Variants in CARMIL1 observed in about 807,000 individuals in gnomAD.
CARMIL1 encodes the protein capping protein regulator and myosin 1 linker 1.
CARMIL1 carries 90 observed loss-of-function variants against 177.1 expected under a neutral mutation model. The observed-to-expected ratio is 0.51, with a 90% CI of 0.43 to 0.61. CARMIL1 has a LOEUF of 0.61. Ranked by LOEUF, CARMIL1 falls within the 20% of genes least tolerant of loss-of-function variation. The pLI is 0.00. For synonymous variants in CARMIL1, 577 were observed against 606.2 expected (o/e 0.95, Z 0.71); for missense variants, 1,380 against 1,667.0 (o/e 0.83, Z 3.00).
chr6:25,325,241 T>G (rs1784976914), intron 2 of CARMIL1, among the ~76,000 whole-genome samples: 2 of 152,206 alleles, frequency 1.3e-5, no homozygotes, highest in African/African-American at 4.8e-5. Flanking sequence ...GAGAATTCAT[T>G]GAAACTTGAA....
intron 3 of CARMIL1, among the ~76,000 whole-genome samples, chr6:25,424,303 G>T (rs1235672380): frequency 6.6e-6 from 1 of 152,116 alleles, no homozygotes; most frequent in Non-Finnish European, 1.5e-5. Flanking sequence ...TCAGGGCCTA[G>T]ATGAAATGTC....
At chr6:25,488,873 T>A (rs116395592) in intron 13 of CARMIL1, among the ~76,000 whole-genome samples, 346 of 152,280 alleles carry the variant, frequency 2.3e-3, no homozygotes, top group African/African-American at 7.6e-3. Context: ...TTTAAAAACA[T>A]TAGCTTACAG....
chr6:25,547,085 T>C (rs1809568277), intron 26 of CARMIL1, among the ~76,000 whole-genome samples: 1 of 151,892 alleles, frequency 6.6e-6, no homozygotes, highest in East Asian at 1.9e-4. Flanking sequence ...AATAAAATAG[T>C]AACCGAAAAA....
intron 13 of CARMIL1, among the ~76,000 whole-genome samples, chr6:25,490,121 C>G (rs1198281199): frequency 1.3e-5 from 2 of 152,046 alleles, no homozygotes; most frequent in African/African-American, 4.8e-5. Context: ...GCGGGGAAGG[C>G]AAAAGTTCCA....
chr6:25,301,707 T>C (rs764837660), intron 2 of CARMIL1, among the ~76,000 whole-genome samples: 20 of 152,358 alleles, frequency 1.3e-4, no homozygotes, highest in South Asian at 1.0e-3. Flanking sequence ...GGGTAGCCTC[T>C]GCCTCTTTAT....
intron 2 of CARMIL1, among the ~76,000 whole-genome samples, chr6:25,396,271 C>T (rs113241669): frequency 2.3e-4 from 35 of 152,018 alleles, no homozygotes; most frequent in African/African-American, 7.2e-4. Context: ...AAATTTCTCA[C>T]TGGGTCACAG....
intron 33 of CARMIL1, among the ~76,000 whole-genome samples, chr6:25,601,859 A>G (rs1020945511): frequency 2.6e-5 from 4 of 152,332 alleles, no homozygotes; most frequent in Middle Eastern, 3.4e-3. Context: ...TCTGTGTGAT[A>G]AGATGAACAT....
chr6:25,528,713 C>T (rs774203401), intron 23 of CARMIL1, 82 bp from the exon 24 acceptor site: 29 of 1,032,384 alleles, frequency 2.8e-5, no homozygotes, highest in Middle Eastern at 2.8e-4. Context: ...TTTTTAAGTT[C>T]GGCAACTGAC....
chr6:25,606,197 C>T lies in CARMIL1; in HGVS notation c.3771C>T (p.Pro1257=), dbSNP rs774400826. The stretch of plus-strand genomic sequence containing the variant: ...CCAGCACACCTACGAGCCCGAAGCC[C>T]CTCCTGCAGTCCCCCAAACCCAGTC... ...SSSSTPTSPK[P]LLQSPKPSLA... is the part of the protein sequence containing the mutation. Residue 1257 remains proline (P), a synonymous_variant, in exon 35 of 37, where the codon CCC becomes CCT. Transcript: ENST00000329474. The T allele has an allele frequency of 2.0e-5, 33 of 1,613,854 alleles. No individual in the cohort carries two copies. Among genetic ancestry groups the T allele is most frequent in the Non-Finnish European group, 2.6e-5 (31 of 1,179,896 alleles).
chr6:25,408,291 A>AT (rs1794579011), intron 2 of CARMIL1, among the ~76,000 whole-genome samples: 1 of 110,006 alleles, frequency 9.1e-6, no homozygotes. Flanking sequence ...GTCTCTTAAA[A>AT]TAAAAAAAAA....
At chr6:25,475,056 T>C (rs1365676261) in intron 11 of CARMIL1, among the ~76,000 whole-genome samples, 2 of 152,248 alleles carry the variant, frequency 1.3e-5, no homozygotes, top group African/African-American at 4.8e-5. Flanking sequence ...CCTACATTGC[T>C]GGTGGGAGTG....
At chr6:25,369,804 AG>A (rs1361868595) in intron 2 of CARMIL1, 5 of 152,328 alleles carry the variant, frequency 3.3e-5, no homozygotes, top group East Asian at 1.9e-4. Flanking sequence ...AGAAACTGAA[AG>A]GTGCTTTCAG....
At chr6:25,494,749 T>G in intron 15 of CARMIL1, among the ~76,000 whole-genome samples, 1 of 152,210 alleles carries the variant, frequency 6.6e-6, no homozygotes, top group East Asian at 1.9e-4. Flanking sequence ...TCTCTAACAT[T>G]TTGTGCCACC....
chr6:25,399,050 C>A (rs1344888777), intron 2 of CARMIL1, among the ~76,000 whole-genome samples: 2 of 152,134 alleles, frequency 1.3e-5, no homozygotes, highest in African/African-American at 4.8e-5. Flanking sequence ...AAAAACACCC[C>A]CCTTTTCTTC....
intron 36 of CARMIL1, among the ~76,000 whole-genome samples, chr6:25,613,183 G>T (rs951255225): frequency 6.6e-6 from 1 of 152,110 alleles, no homozygotes; most frequent in Non-Finnish European, 1.5e-5. Flanking sequence ...TATAATTGGG[G>T]TTAGGCTTCC....
intron 2 of CARMIL1, among the ~76,000 whole-genome samples, chr6:25,397,362 G>A (rs1361927332): frequency 6.6e-6 from 1 of 152,118 alleles, no homozygotes; most frequent in Non-Finnish European, 1.5e-5. Flanking sequence ...TTTCAAGAGG[G>A]CATCTTCAAG....
intron 11 of CARMIL1, among the ~76,000 whole-genome samples, chr6:25,473,100 CT>C (rs1252507181): frequency 9.9e-5 from 15 of 152,202 alleles, no homozygotes; most frequent in African/African-American, 1.7e-4. Context: ...TGTGACCCCC[CT>C]ATCTCACAAC....
chr6:25,315,218 A>G (rs1174891027), intron 2 of CARMIL1, among the ~76,000 whole-genome samples: 1 of 152,188 alleles, frequency 6.6e-6, no homozygotes, highest in Non-Finnish European at 1.5e-5. Context: ...GCTCATTTCC[A>G]TTGCATTAAG....
chr6:25,413,127 A>T (rs1305224365), intron 2 of CARMIL1, among the ~76,000 whole-genome samples: 1 of 148,712 alleles, frequency 6.7e-6, no homozygotes, highest in Non-Finnish European at 1.5e-5. Context: ...AATGTGCCTC[A>T]CCACCTGCCC....
Sources: allele counts gnomAD v4.1 joint callset (sites outside exome capture counted in the v4.1 genomes callset), GRCh38; gene constraint gnomAD v4.1.1; transcripts MANE v1.5; gene names NCBI Gene and HGNC (gene_info 2026-07-23, HGNC 2026-07-21).